PCLO: variants seen among roughly 807,000 people sequenced by gnomAD.
The protein encoded by PCLO is piccolo presynaptic cytomatrix protein.
PCLO carries 82 observed loss-of-function variants against 427.5 expected under a neutral mutation model. The ratio of observed to expected loss-of-function variants is 0.19; its 90% CI spans 0.16 to 0.23. PCLO has a LOEUF of 0.23. Ranked by LOEUF, PCLO falls within the 10% of genes least tolerant of loss-of-function variation. The probability of loss-of-function intolerance (pLI) is 1.00; values close to 1 mark genes in which losing one functional copy is unlikely to be tolerated. For missense variants in PCLO, 6,239 were observed against 6,115.9 expected, an observed-to-expected ratio of 1.02 and a Z score of -0.67; for synonymous variants, 2,357 against 2,155.4, an observed-to-expected ratio of 1.09 and a Z score of -2.59.
At chr7:82,852,564 G>C (rs986185088) in intron 10 of PCLO, among the ~76,000 whole-genome samples, 1 of 152,032 alleles carries the variant, frequency 6.6e-6, no homozygotes, top group Non-Finnish European at 1.5e-5. Flanking sequence ...GGGACTCTTG[G>C]GCCTTTGGGC....
intron 3 of PCLO, among the ~76,000 whole-genome samples, chr7:83,091,335 A>C (rs1790373135): frequency 6.6e-6 from 1 of 152,186 alleles, no homozygotes; most frequent in Non-Finnish European, 1.5e-5. Context: ...ATGACACAAA[A>C]ACAGCTATGG....
chr7:82,828,008 T>C, intron 16 of PCLO, 42 bp from the exon 17 acceptor site: 1 of 1,119,384 alleles, frequency 8.9e-7, no homozygotes, highest in Non-Finnish European at 1.3e-6. Flanking sequence ...ATTATTCACC[T>C]TAGTTTATGA....
At chr7:83,146,064 T>C (rs1236247089) in intron 2 of PCLO, among the ~76,000 whole-genome samples, 1 of 152,222 alleles carries the variant, frequency 6.6e-6, no homozygotes, top group African/African-American at 2.4e-5. Flanking sequence ...AATGACGAAA[T>C]GCATATAAAG....
At chr7:83,151,239 T>G (rs559818931) in intron 2 of PCLO, among the ~76,000 whole-genome samples, 2 of 152,224 alleles carry the variant, frequency 1.3e-5, no homozygotes, top group South Asian at 4.1e-4. Flanking sequence ...ACGATATCAC[T>G]AATACTGTTG....
At chr7:82,965,163 T>C (rs1245432540) in intron 4 of PCLO, among the ~76,000 whole-genome samples, 2 of 152,146 alleles carry the variant, frequency 1.3e-5, no homozygotes, top group Admixed American at 6.6e-5. Flanking sequence ...TAAATAACCT[T>C]TCAATATTAA....
At chr7:83,024,471 G>C (rs542081223) in intron 3 of PCLO, among the ~76,000 whole-genome samples, 2 of 152,108 alleles carry the variant, frequency 1.3e-5, no homozygotes, top group African/African-American at 2.4e-5. Flanking sequence ...ACGGAGTCTC[G>C]CTGATTGCTA....
At chr7:82,881,161 G>C (rs1793497489) in intron 9 of PCLO, among the ~76,000 whole-genome samples, 1 of 152,176 alleles carries the variant, frequency 6.6e-6, no homozygotes, top group Non-Finnish European at 1.5e-5. Context: ...AGGATTGCTT[G>C]AGGCCAGGAG....
chr7:83,029,434 T>G (rs1788600231), intron 3 of PCLO, among the ~76,000 whole-genome samples: 1 of 140,828 alleles, frequency 7.1e-6, no homozygotes. Flanking sequence ...CCAGTTAGAA[T>G]GGCAATCATT....
In PCLO at chr7:82,949,640, C is replaced by T; in HGVS notation, c.10948G>A (p.Asp3650Asn). The change falls in exon 6 of 25, where the codon GAT (aspartate) becomes AAT (asparagine). Residue 3650 changes from aspartate to asparagine, a missense_variant. Asp to Asn is a conservative substitution (Grantham distance 23, BLOSUM62 1). This residue lies in a region of PCLO where 4,677 missense variants were observed against 4,468.4 expected (regional missense o/e 1.05). Transcript: ENST00000333891. Reference sequence around the variant, plus strand: ...TGCAGTACTTTCTGTGGACTTATATCATCAGGGAGGGGTTTTTCATAAGGT... The same window carrying T: ...TGCAGTACTTTCTGTGGACTTATATTATCAGGGAGGGGTTTTTCATAAGGT... ...FVPYEKPLPD[D>N]ISPQKVLHPD... The T allele has an allele frequency of 6.2e-7, 1 of 1,613,834 alleles. No homozygotes were observed. The highest frequency in any genetic ancestry group is 8.5e-7 in the Non-Finnish European group (1 of 1,179,846).
rs869061778 is a variant in PCLO at position 83,043,912 on chromosome 7, C to CTTTT, written c.3301-77429_3301-77426dup. Among the ~76,000 whole-genome samples, 187 of 94,834 alleles carry CTTTT rather than the reference C, an allele frequency of 2.0e-3. 11 individuals carry two copies. The highest frequency in any genetic ancestry group is 9.8e-3 in the East Asian group (23 of 2,352). 62.2% of individuals were successfully genotyped at this position (94,834 alleles called of 152,430 possible). A position where few individuals can be genotyped will look rare whatever the true frequency, so the allele number is the denominator to read the frequency against. On this transcript the variant is annotated intron_variant, in intron 3 of 24. Coordinates refer to ENST00000333891, the MANE Select transcript of PCLO (RefSeq NM_033026.6). ...AACTCAATCTTATTACTATTATTTT[C>CTTTT]TTTTTTTTTTTTTTTTTTTTTTTGC...
chr7:82,878,319 G>A (rs563307466), intron 10 of PCLO, among the ~76,000 whole-genome samples: 4 of 152,102 alleles, frequency 2.6e-5, no homozygotes, highest in East Asian at 1.9e-4. Flanking sequence ...TATTTAATTC[G>A]AGAAAATCAC....
At chr7:82,948,657 G>C (rs10255182) in intron 6 of PCLO, among the ~76,000 whole-genome samples, 1 of 152,034 alleles carries the variant, frequency 6.6e-6, no homozygotes, top group African/African-American at 2.4e-5. Context: ...ATCTGCTTTA[G>C]AGCTGATTAT....
intron 6 of PCLO, among the ~76,000 whole-genome samples, chr7:82,926,590 A>T (rs1354589379): frequency 1.3e-5 from 2 of 152,192 alleles, no homozygotes; most frequent in Non-Finnish European, 2.9e-5. Context: ...TTTATCAGAC[A>T]TCTCTAAGCT....
chr7:83,162,216 C>T, intron 1 of PCLO, 129 bp downstream of exon 1: 1 of 1,100,722 alleles, frequency 9.1e-7, no homozygotes, highest in Non-Finnish European at 1.3e-6. Context: ...CTATGGCCAC[C>T]CCACTGGGGA....
In PCLO at chr7:82,950,790, G is replaced by C; in HGVS notation, c.9798C>G (p.His3266Gln). Residue 3266 changes from histidine to glutamine, a missense_variant, in exon 6 of 25, where the codon CAC becomes CAG. By Grantham distance (24) the His-to-Gln change is conservative. Around this residue, in one of 5 missense-constraint regions of PCLO, gnomAD observed 4,677 missense variants for 4,468.4 expected, o/e 1.05. Coordinates refer to ENST00000333891, the MANE Select transcript of PCLO (RefSeq NM_033026.6). ...GCTCTTCTTCTTGCTGAAAGAGAAG[G>C]TGTTGCTTCATAGACTGCAGCTCCT... ...KLEELQSMKQ[H>Q]LLFQQEEERQ... is the part of the protein sequence containing the mutation. 6.2e-7 allele frequency: 1 copy of C among 1,613,690 alleles called. No individual in the cohort carries two copies.
At chr7:83,154,101 C>A (rs1792206155) in intron 2 of PCLO, among the ~76,000 whole-genome samples, 1 of 152,168 alleles carries the variant, frequency 6.6e-6, no homozygotes, top group South Asian at 2.1e-4. Context: ...ACCCAGCTAA[C>A]CCTTGGAAAC....
intron 2 of PCLO, among the ~76,000 whole-genome samples, chr7:83,143,688 T>G (rs935346636): frequency 1.3e-5 from 2 of 150,892 alleles, no homozygotes; most frequent in Non-Finnish European, 2.9e-5. Flanking sequence ...AAGCACAATT[T>G]GTAAAATAAT....
rs201606852 is a variant in PCLO, at chr7:82,953,437, T to C, written c.7516A>G (p.Ser2506Gly). The stretch of plus-strand genomic sequence containing the variant: ...GGTTTGGGGGCGATTGGAGGTTTGC[T>C]TGGCTCAGGCCTGTGGGTAAATACA... ...GLVFTHRPEP[S>G]KPPIAPKPVI... The change falls in exon 5 of 25, where the codon AGC becomes GGC. Residue 2506 changes from serine (S) to glycine (G), a missense_variant. Physicochemically the swap from Ser to Gly is moderately conservative, Grantham distance 56. Transcript: ENST00000333891. 3.7e-6 allele frequency: 6 copies of C among 1,613,474 alleles called. No individual in the cohort carries two copies. Among genetic ancestry groups the C allele is most frequent in the Admixed American group, 3.3e-5 (2 of 59,938 alleles).
intron 22 of PCLO, among the ~76,000 whole-genome samples, chr7:82,792,668 C>T (rs986790210): frequency 6.6e-6 from 1 of 152,080 alleles, no homozygotes; most frequent in African/African-American, 2.4e-5. Flanking sequence ...AAAATAAAAT[C>T]TCACATCTCA....
Sources: allele counts gnomAD v4.1 joint callset (sites outside exome capture counted in the v4.1 genomes callset), GRCh38; gene constraint gnomAD v4.1.1; regional missense constraint gnomAD v4.1.1; transcripts MANE v1.5; gene names NCBI Gene and HGNC (gene_info 2026-07-23, HGNC 2026-07-21).